The following UNC13C variants were observed in gnomAD, a reference collection of about 807,000 sequenced individuals.
UNC13C encodes unc-13 homolog C.
UNC13C carries 174 observed loss-of-function variants against 245.4 expected under a neutral mutation model. That is an observed-to-expected ratio of 0.71 (90% CI 0.63 to 0.80). The LOEUF is 0.80. Ranked by LOEUF, UNC13C falls within the 30% of genes least tolerant of loss-of-function variation. The pLI, the probability that UNC13C is intolerant of heterozygous loss-of-function variation, is 0.00. For synonymous variants in UNC13C, 992 were observed against 895.1 expected, an observed-to-expected ratio of 1.11 and a Z score of -1.93; for missense variants, 2,829 against 2,602.9, an observed-to-expected ratio of 1.09 and a Z score of -1.89.
rs558426068 is a variant in UNC13C at position 54,018,825 on chromosome 15, C to T, written c.2983+2939C>T. 3.3e-5 allele frequency among the ~76,000 whole-genome samples: 5 copies of T among 151,620 alleles called. 1 individual carries two copies. In the South Asian group the frequency reaches 1.0e-3, roughly 32 times the overall value. ...AGGCAAGTTGTCTTTTTTTTTAATC[C>T]TTTAACTTGTACTGTGCCTAGACCA... On this transcript the variant is annotated intron_variant, in intron 2 of 32. Transcript: ENST00000260323.
the UNC13C span, among the ~76,000 whole-genome samples, chr15:53,963,692 TA>T: frequency 6.6e-6 from 1 of 152,120 alleles, no homozygotes; most frequent in South Asian, 2.1e-4. Flanking sequence ...GAAGGCTTGT[TA>T]AAGATGAGTC....
chr15:54,380,351 A>G (rs2039697404), intron 17 of UNC13C, among the ~76,000 whole-genome samples: 1 of 152,146 alleles, frequency 6.6e-6, no homozygotes, highest in African/African-American at 2.4e-5. Context: ...ATACATATGT[A>G]TGGTTTTTAT....
intron 26 of UNC13C, among the ~76,000 whole-genome samples, chr15:54,543,166 CT>C (rs1464079006): frequency 6.6e-6 from 1 of 152,026 alleles, no homozygotes; most frequent in Admixed American, 6.6e-5. Flanking sequence ...TTACTGGTTC[CT>C]TTGGGAGCTC....
chr15:54,065,924 C>A (rs575571413), intron 2 of UNC13C, among the ~76,000 whole-genome samples: 2 of 152,288 alleles, frequency 1.3e-5, no homozygotes, highest in South Asian at 2.1e-4. Flanking sequence ...GAAAACAAAG[C>A]AAGCACAGTT....
chr15:53,941,503 G>T, the UNC13C span, among the ~76,000 whole-genome samples: 34,169 of 151,940 alleles, frequency 0.22, 4,847 homozygotes, highest in Non-Finnish European at 0.31. Context: ...AGAGTGAACA[G>T]ACCACCTACA....
intron 19 of UNC13C, among the ~76,000 whole-genome samples, chr15:54,440,790 T>G (rs1276042337): frequency 6.6e-6 from 1 of 152,088 alleles, no homozygotes; most frequent in East Asian, 1.9e-4. Context: ...GTATAAGTGT[T>G]CCCTTTTCTC....
At chr15:54,268,928 C>T (rs2036615483) in intron 10 of UNC13C, among the ~76,000 whole-genome samples, 2 of 152,018 alleles carry the variant, frequency 1.3e-5, no homozygotes, top group Admixed American at 1.3e-4. Context: ...CTGTTCAGCT[C>T]TTTTATTTTT....
intron 10 of UNC13C, among the ~76,000 whole-genome samples, chr15:54,275,170 A>G (rs200906030): frequency 6.6e-6 from 1 of 152,194 alleles, no homozygotes; most frequent in Non-Finnish European, 1.5e-5. Flanking sequence ...ACATGCAAGC[A>G]TATCCTGCCT....
At chr15:54,430,240 G>A (rs565738939) in intron 19 of UNC13C, among the ~76,000 whole-genome samples, 2 of 151,546 alleles carry the variant, frequency 1.3e-5, no homozygotes, top group South Asian at 2.1e-4. Flanking sequence ...TACCACTTAC[G>A]GTGATAAAGC....
intron 10 of UNC13C, among the ~76,000 whole-genome samples, chr15:54,272,531 A>G (rs901940246): frequency 6.6e-6 from 1 of 152,222 alleles, no homozygotes; most frequent in Non-Finnish European, 1.5e-5. Flanking sequence ...TACCAACATC[A>G]GCAAGTCATT....
intron 13 of UNC13C, among the ~76,000 whole-genome samples, chr15:54,300,937 G>A (rs938215362): frequency 6.6e-6 from 1 of 151,996 alleles, no homozygotes; most frequent in African/African-American, 2.4e-5. Context: ...GATTTATTTA[G>A]CACCCATAGA....
intron 2 of UNC13C, chr15:54,044,513 A>G (rs545050051): frequency 8.3e-6 from 2 of 241,188 alleles, no homozygotes; most frequent in South Asian, 7.7e-5. Context: ...ACTGTTTTCC[A>G]AAGTGGCTGC....
At chr15:54,236,722 C>T (rs2035709966) in intron 6 of UNC13C, among the ~76,000 whole-genome samples, 1 of 152,134 alleles carries the variant, frequency 6.6e-6, no homozygotes, top group Non-Finnish European at 1.5e-5. Flanking sequence ...GGTAAGTCTT[C>T]AAGGTAAATG....
chr15:54,110,803 G>C (rs1361065897), intron 2 of UNC13C, among the ~76,000 whole-genome samples: 1 of 152,006 alleles, frequency 6.6e-6, no homozygotes, highest in Admixed American at 6.6e-5. Flanking sequence ...CCTCATAAGT[G>C]ACCCTTAATA....
downstream of UNC13C, chr15:54,631,016 C>T (rs1055370713): frequency 3.3e-5 from 5 of 151,850 alleles, no homozygotes; most frequent in Admixed American, 2.0e-4. Context: ...ATATATAAAT[C>T]GATGAAAATA....
chr15:54,112,367 G>C (rs1197024175), intron 2 of UNC13C, among the ~76,000 whole-genome samples: 3 of 152,144 alleles, frequency 2.0e-5, no homozygotes, highest in Non-Finnish European at 4.4e-5. Flanking sequence ...GGTTTTTATA[G>C]ACTGGATTGA....
chr15:54,034,514 T>C (rs552056843), intron 2 of UNC13C, among the ~76,000 whole-genome samples: 43 of 152,330 alleles, frequency 2.8e-4, no homozygotes, highest in African/African-American at 9.9e-4. Flanking sequence ...GGAAATATAA[T>C]TGTTTCTCTC....
chr15:54,015,091 C>A lies in UNC13C; in HGVS notation c.2188C>A (p.Pro730Thr). The A allele has an allele frequency of 6.2e-7, 1 of 1,612,700 alleles. No homozygotes were observed. The highest frequency in any genetic ancestry group is 2.2e-5 in the East Asian group (1 of 44,840). The change falls in exon 2 of 33, where the codon CCA becomes ACA. Residue 730 changes from proline (P) to threonine (T), a missense_variant. Physicochemically the swap from Pro to Thr is conservative, Grantham distance 38. Transcript: ENST00000260323. ...TCCATGCCCTGGCTTGGATAATGAACCACAAGGCCAGTGGGTTGGCCAATA... is the reference window on the plus strand; with the variant it reads ...TCCATGCCCTGGCTTGGATAATGAAACACAAGGCCAGTGGGTTGGCCAATA... ...SSPCPGLDNE[P>T]QGQWVGQYDS... is the part of the protein sequence containing the mutation.
chr15:54,203,484 G>GTGTGTATATA (rs796426371), intron 4 of UNC13C, among the ~76,000 whole-genome samples: 1 of 139,748 alleles, frequency 7.2e-6, no homozygotes, highest in African/African-American at 2.6e-5. Flanking sequence ...ATGTGTGTGT[G>GTGTGTATATA]TATATATATA....
Sources: gnomAD v4.1 joint callset for allele counts (sites outside exome capture counted in the v4.1 genomes callset) on GRCh38, gnomAD v4.1.1 for gene constraint, MANE v1.5 for transcripts, NCBI Gene and HGNC (gene_info 2026-07-23, HGNC 2026-07-21) for gene names.